Variants in FBXL13 observed in about 807,000 individuals in gnomAD.
The protein encoded by FBXL13 is F-box and leucine rich repeat protein 13.
FBXL13 carries 67 observed loss-of-function variants against 83.6 expected under a neutral mutation model. That is an observed-to-expected ratio of 0.80 (90% CI 0.66 to 0.98). FBXL13 has a LOEUF of 0.98. Among genes scored for constraint, FBXL13 ranks in the 50% least tolerant of loss-of-function variants. The probability of loss-of-function intolerance (pLI) is 0.00; values close to 1 mark genes in which losing one functional copy is unlikely to be tolerated. For synonymous variants in FBXL13, 272 were observed against 299.5 expected (o/e 0.91, Z 0.95); for missense variants, 822 against 866.5 (o/e 0.95, Z 0.64).
Position 103,041,457 on chromosome 7 carries a change from C to A in FBXL13, c.1-12039G>T, listed in dbSNP as rs111634685. Among the ~76,000 whole-genome samples the A allele has an allele frequency of 9.9e-3, 1,502 of 152,266 alleles. 21 individuals carry two copies. The highest frequency in any genetic ancestry group is 0.034 in the African/African-American group (1,404 of 41,542). ...AATCAATAGAAAAAGAGAGAATCTT[C>A]CCTAACTCTTTTTATGAGGCTAGCA... is the stretch of plus-strand genomic sequence containing the variant. On this transcript the variant is annotated intron_variant, in intron 2 of 19. Transcript: ENST00000313221.
intron 17 of FBXL13, among the ~76,000 whole-genome samples, chr7:102,833,259 G>A (rs1397876257): frequency 6.6e-6 from 1 of 152,152 alleles, no homozygotes; most frequent in Admixed American, 6.5e-5. Context: ...GGTCAGTAAT[G>A]AGTAGAAGAA....
chr7:103,024,135 A>ATGAGAGAGAGAGAGAG (rs1793552982), intron 6 of FBXL13, among the ~76,000 whole-genome samples: 1 of 96,586 alleles, frequency 1.0e-5, no homozygotes, highest in Non-Finnish European at 2.2e-5. Context: ...AAAAGTTAAA[A>ATGAGAGAGAGAGAGAG]AGAGAGAGAG....
chr7:102,813,663 G>T, intron 19 of FBXL13, 132 bp from the exon 21 acceptor site: 2 of 873,228 alleles, frequency 2.3e-6, no homozygotes, highest in Non-Finnish European at 3.6e-6. Context: ...CTCTTGCCTT[G>T]CTGAGAGTGA....
intron 2 of FBXL13, among the ~76,000 whole-genome samples, chr7:103,052,070 T>C (rs1796873797): frequency 6.6e-6 from 1 of 152,242 alleles, no homozygotes; most frequent in Non-Finnish European, 1.5e-5. Flanking sequence ...CAGAACTGTG[T>C]AGTGTAAGAC....
At chr7:102,894,210 G>T (rs1045362240) in intron 11 of FBXL13, among the ~76,000 whole-genome samples, 1 of 152,146 alleles carries the variant, frequency 6.6e-6, no homozygotes, top group African/African-American at 2.4e-5. Context: ...GAGAAGGTTG[G>T]AATTTATGTA....
At chr7:102,961,981 C>T (rs1825289520) in intron 8 of FBXL13, among the ~76,000 whole-genome samples, 2 of 149,652 alleles carry the variant, frequency 1.3e-5, no homozygotes, top group Non-Finnish European at 3.0e-5. Flanking sequence ...ACAAAATTGA[C>T]AAATGGGATC....
At chr7:102,986,918 T>TAC (rs140052493) in intron 6 of FBXL13, among the ~76,000 whole-genome samples, 86,592 of 148,192 alleles carry the variant, frequency 0.58, 25,486 homozygotes, top group Middle Eastern at 0.65. Flanking sequence ...GAAAATGTGA[T>TAC]ACACACACAC....
chr7:102,933,219 C>G (rs1819562615), intron 8 of FBXL13: 1 of 151,950 alleles, frequency 6.6e-6, no homozygotes, highest in African/African-American at 2.4e-5. Flanking sequence ...GTGCCATTTA[C>G]TCCAAGCATC....
At chr7:103,025,288 A>G (rs1475208501) in intron 5 of FBXL13, 58 bp from the exon 7 acceptor site, 20 of 1,148,482 alleles carry the variant, frequency 1.7e-5, no homozygotes, top group Non-Finnish European at 2.5e-5. Context: ...AAGAGAGATG[A>G]CAGACACAAA....
At chr7:102,865,008 CTTG>C (rs1807428456) in intron 16 of FBXL13, among the ~76,000 whole-genome samples, 1 of 152,142 alleles carries the variant, frequency 6.6e-6, no homozygotes, top group Non-Finnish European at 1.5e-5. Flanking sequence ...TGTTGCTTTT[CTTG>C]TTGTTATTTT....
intron 8 of FBXL13, chr7:102,934,028 C>T (rs375247224): frequency 8.7e-6 from 14 of 1,613,920 alleles, no homozygotes; most frequent in Non-Finnish European, 8.5e-6. Flanking sequence ...GGGTGGAGGC[C>T]GGAGAGGCTC....
At chr7:103,002,112 ATACT>A (rs2129485642) in intron 6 of FBXL13, among the ~76,000 whole-genome samples, 1 of 151,964 alleles carries the variant, frequency 6.6e-6, no homozygotes, top group South Asian at 2.1e-4. Context: ...CTTTGTCTGA[ATACT>A]TACTTTTCTC....
intron 2 of FBXL13, among the ~76,000 whole-genome samples, chr7:103,037,875 C>A (rs946873666): frequency 1.3e-5 from 2 of 152,106 alleles, no homozygotes; most frequent in South Asian, 2.1e-4. Flanking sequence ...CAGCTCCCAG[C>A]GAGATCCACG....
chr7:103,070,064 GCA>G (rs1314002162), intron 1 of FBXL13, among the ~76,000 whole-genome samples: 1 of 140,768 alleles, frequency 7.1e-6, no homozygotes, highest in African/African-American at 2.7e-5. Flanking sequence ...GGGCGACAGT[GCA>G]AGACTCTGTC....
intron 17 of FBXL13, chr7:102,834,528 A>G (rs1254474945): frequency 1.3e-5 from 2 of 150,620 alleles, no homozygotes; most frequent in African/African-American, 4.9e-5. Context: ...AAGATTTTAT[A>G]TACTGTGTTA....
chr7:102,962,282 T>G (rs370463919), intron 8 of FBXL13, among the ~76,000 whole-genome samples: 1 of 151,988 alleles, frequency 6.6e-6, no homozygotes, highest in African/African-American at 2.4e-5. Flanking sequence ...AAAACCACAA[T>G]GAGATATCAT....
At chr7:102,966,072 A>G (rs1304135627) in intron 7 of FBXL13, among the ~76,000 whole-genome samples, 2 of 152,210 alleles carry the variant, frequency 1.3e-5, no homozygotes, top group Non-Finnish European at 2.9e-5. Context: ...TCGCATCTGG[A>G]CAACATCCCA....
intron 5 of FBXL13, 122 bp downstream of exon 6, chr7:103,027,327 C>G (rs916186500): frequency 5.0e-5 from 31 of 626,032 alleles, no homozygotes; most frequent in Admixed American, 1.3e-4. Context: ...AAACAAGAAT[C>G]CCATCAAAAG....
intron 7 of FBXL13, 21 bp from the exon 9 acceptor site, chr7:102,963,686 G>T: frequency 6.3e-7 from 1 of 1,576,330 alleles, no homozygotes; most frequent in Non-Finnish European, 8.6e-7. Flanking sequence ...TAAACAAAAT[G>T]CATTAAGAAA....
Sources: allele counts gnomAD v4.1 joint callset (sites outside exome capture counted in the v4.1 genomes callset), GRCh38; gene constraint gnomAD v4.1.1; transcripts MANE v1.5; gene names NCBI Gene and HGNC (gene_info 2026-07-23, HGNC 2026-07-21).